Variants in ADAM12 observed in about 807,000 individuals in gnomAD.
ADAM12 encodes the protein ADAM metallopeptidase domain 12.
ADAM12 carries 70 observed loss-of-function variants against 106.4 expected under a neutral mutation model. The ratio of observed to expected loss-of-function variants is 0.66; its 90% CI spans 0.54 to 0.80. The LOEUF is 0.80. Ranked by LOEUF, ADAM12 falls within the 30% of genes least tolerant of loss-of-function variation. The pLI, the probability that ADAM12 is intolerant of heterozygous loss-of-function variation, is 0.00. For missense variants in ADAM12, 1,010 were observed against 1,171.9 expected, an observed-to-expected ratio of 0.86 and a Z score of 2.02; for synonymous variants, 420 against 433.5, an observed-to-expected ratio of 0.97 and a Z score of 0.39.
At chr10:126,276,841 T>G (rs1366626316) in intron 3 of ADAM12, among the ~76,000 whole-genome samples, 1 of 152,220 alleles carries the variant, frequency 6.6e-6, no homozygotes, top group Non-Finnish European at 1.5e-5. Flanking sequence ...AAGTCACCTT[T>G]TAAAACGATA....
At chr10:126,241,370 T>A (rs1958520383) in intron 3 of ADAM12, among the ~76,000 whole-genome samples, 2 of 152,216 alleles carry the variant, frequency 1.3e-5, no homozygotes, top group Non-Finnish European at 2.9e-5. Flanking sequence ...AAATGGTGAA[T>A]TTTATGTTAT....
rs543010850 is a variant in ADAM12 at position 126,016,715 on chromosome 10, C to T, written c.*564G>A. 1 of 152,348 alleles carries T rather than the reference C, an allele frequency of 6.6e-6. No homozygotes were observed. The highest frequency in any genetic ancestry group is 2.4e-5 in the African/African-American group (1 of 41,444). 9.4% of individuals were successfully genotyped at this position (152,348 alleles called of 1,614,324 possible). On this transcript the variant is annotated 3_prime_UTR_variant, in exon 23 of 23. Transcript: ENST00000448723. ...CAGAAGCCAGATTTCTCCCAGGTGTCCCTGGGAGCCTGCCTGCCAGTTGTC... is the reference window on the plus strand; with the variant it reads ...CAGAAGCCAGATTTCTCCCAGGTGTTCCTGGGAGCCTGCCTGCCAGTTGTC...
At chr10:126,035,488 C>A (rs1954042813) in intron 21 of ADAM12, among the ~76,000 whole-genome samples, 1 of 152,118 alleles carries the variant, frequency 6.6e-6, no homozygotes, top group South Asian at 2.1e-4. Context: ...AAACTGTGTA[C>A]AAATAAATTA....
chr10:126,148,487 T>G (rs1172727338), intron 4 of ADAM12, among the ~76,000 whole-genome samples: 3 of 152,298 alleles, frequency 2.0e-5, no homozygotes, highest in Non-Finnish European at 1.5e-5. Context: ...TGGGTTTTAA[T>G]TAGTGAACAA....
intron 3 of ADAM12, among the ~76,000 whole-genome samples, chr10:126,168,331 T>C (rs866068611): frequency 1.3e-4 from 20 of 152,026 alleles, no homozygotes; most frequent in Admixed American, 8.5e-4. Context: ...AGAACAAATC[T>C]CATTCTGCCA....
At chr10:126,378,357 C>G (rs906977734) in intron 1 of ADAM12, among the ~76,000 whole-genome samples, 2 of 152,104 alleles carry the variant, frequency 1.3e-5, no homozygotes, top group African/African-American at 4.8e-5. Context: ...ATTGCAATAT[C>G]AAAAAGTTGG....
Position 126,388,311 on chromosome 10 carries a change from T to G in ADAM12, c.-166A>C. The stretch of plus-strand genomic sequence containing the variant: ...CGCCCGCGCCGCCGCTGAGCTCTTC[T>G]AGCCTTTCATTTTTAAAAAAGTTTC... On this transcript the variant is annotated 5_prime_UTR_variant, in exon 1 of 23. It removes the in-frame stop codon of an upstream open reading frame in the 5' UTR. Transcript: ENST00000448723. The surrounding 1 kb of genome is among the most constrained non-coding windows in gnomAD (Gnocchi z 4.4). 9.7e-7 allele frequency: 1 copy of G among 1,032,952 alleles called. No homozygotes were observed. Among genetic ancestry groups the G allele is most frequent in the Non-Finnish European group, 1.2e-6 (1 of 822,220 alleles). 64.0% of individuals were successfully genotyped at this position (1,032,952 alleles called of 1,614,324 possible).
chr10:126,046,178 C>A (rs1481925746), intron 16 of ADAM12, 46 bp from the exon 17 acceptor site: 3 of 1,560,636 alleles, frequency 1.9e-6, no homozygotes, highest in African/African-American at 1.4e-5. Context: ...ATTTCTCCAA[C>A]CCCTCCAGCA....
chr10:126,142,414 G>T (rs1175561513), intron 4 of ADAM12, among the ~76,000 whole-genome samples: 1 of 152,234 alleles, frequency 6.6e-6, no homozygotes, highest in African/African-American at 2.4e-5. Context: ...GATGGGTTGG[G>T]CTACTTATCT....
chr10:126,200,794 G>C (rs1312796714), intron 3 of ADAM12, among the ~76,000 whole-genome samples: 1 of 145,870 alleles, frequency 6.9e-6, no homozygotes, highest in South Asian at 2.1e-4. Context: ...TCTAGAGAAA[G>C]AGCCCAGGAT....
Position 126,113,947 on chromosome 10 carries a change from G to A in ADAM12, c.603+4091C>T, listed in dbSNP as rs1431216918. Among the ~76,000 whole-genome samples, 9 of 151,700 alleles carry A rather than the reference G, an allele frequency of 5.9e-5. No individual in the cohort carries two copies. The East Asian group carries it at 1.2e-3, about 20-fold the overall frequency. On this transcript the variant is annotated intron_variant, in intron 6 of 22. Coordinates refer to ENST00000448723, the MANE Select transcript of ADAM12 (RefSeq NM_001288973.2). ...TGAGACCACAGCCAAAGTGTCCATC[G>A]CCAGCAATATCAGCAAATGAAATGA... is the stretch of plus-strand genomic sequence containing the variant.
At chr10:126,120,118 C>T (rs148936068) in intron 5 of ADAM12, among the ~76,000 whole-genome samples, 140 of 152,248 alleles carry the variant, frequency 9.2e-4, no homozygotes, top group African/African-American at 3.3e-3. Context: ...GACTACTAAC[C>T]TTTTGTGAGA....
chr10:126,301,330 C>CAGAT (rs1960614863), intron 2 of ADAM12, among the ~76,000 whole-genome samples: 1 of 152,162 alleles, frequency 6.6e-6, no homozygotes, highest in African/African-American at 2.4e-5. Flanking sequence ...TATATGCAAA[C>CAGAT]AGATGTGTTA....
At chr10:126,257,931 TAACTAGTAAGATA>T (rs1168712253) in intron 3 of ADAM12, among the ~76,000 whole-genome samples, 3 of 152,150 alleles carry the variant, frequency 2.0e-5, no homozygotes, top group Non-Finnish European at 2.9e-5. Flanking sequence ...TGCCTGGAAA[TAACTAGTAAGATA>T]GGTGCCTACT....
intron 2 of ADAM12, among the ~76,000 whole-genome samples, chr10:126,310,986 G>T (rs1008601504): frequency 6.6e-6 from 1 of 151,992 alleles, no homozygotes; most frequent in Non-Finnish European, 1.5e-5. Context: ...ATTAAGGGTC[G>T]TTGCAGGGAA....
chr10:126,137,405 A>C (rs1264976307), intron 4 of ADAM12, among the ~76,000 whole-genome samples: 1 of 152,194 alleles, frequency 6.6e-6, no homozygotes, highest in African/African-American at 2.4e-5. Context: ...CTTGCCATAA[A>C]ACTCACCTTT....
At chr10:126,019,576 G>A in intron 22 of ADAM12, 119 bp downstream of exon 22, 2 of 1,316,430 alleles carry the variant, frequency 1.5e-6, no homozygotes, top group Non-Finnish European at 2.1e-6. Flanking sequence ...ATTCCCAGTT[G>A]TAGGGGGAGC....
At chr10:126,175,474 T>G (rs960977759) in intron 3 of ADAM12, among the ~76,000 whole-genome samples, 8 of 126,810 alleles carry the variant, frequency 6.3e-5, no homozygotes, top group Non-Finnish European at 1.4e-4. Context: ...CATATGTTTC[T>G]AAAACAGTCA....
chr10:126,240,184 C>T (rs1044532980), intron 3 of ADAM12, among the ~76,000 whole-genome samples: 2 of 152,264 alleles, frequency 1.3e-5, no homozygotes, highest in Admixed American at 1.3e-4. Flanking sequence ...TTGCCTCCCA[C>T]TCAGTGTGTA....
Sources: gnomAD v4.1 joint callset for allele counts (sites outside exome capture counted in the v4.1 genomes callset) on GRCh38, gnomAD v4.1.1 for gene constraint, Gnocchi (gnomAD v3.1) non-coding constraint, MANE v1.5 for transcripts, NCBI Gene and HGNC (gene_info 2026-07-23, HGNC 2026-07-21) for gene names.